Variants in NYAP2 observed in about 807,000 individuals in gnomAD.
NYAP2 encodes neuronal tyrosine-phosphorylated phosphoinositide-3-kinase adaptor 2, also known as neuronal tyrosine-phosphorylated phosphoinositide-3-kinase adapter 2.
A neutral mutation model predicts 50.4 loss-of-function variants in NYAP2; 23 were observed. That is an observed-to-expected ratio of 0.46 (90% CI 0.33 to 0.65). The LOEUF is 0.65. NYAP2 is among the 30% of genes least tolerant of loss of function. The pLI is 0.02. For missense variants in NYAP2, 885 were observed against 861.0 expected, an observed-to-expected ratio of 1.03 and a Z score of -0.35; for synonymous variants, 394 against 365.2, an observed-to-expected ratio of 1.08 and a Z score of -0.90.
intron 5 of NYAP2, among the ~76,000 whole-genome samples, chr2:225,609,114 C>A (rs1478642584): frequency 6.6e-6 from 1 of 152,096 alleles, no homozygotes; most frequent in Non-Finnish European, 1.5e-5. Context: ...GATATGTCAT[C>A]TCTCCTACTA....
At chr2:225,514,576 G>A (rs1184639068) in intron 4 of NYAP2, among the ~76,000 whole-genome samples, 1 of 152,114 alleles carries the variant, frequency 6.6e-6, no homozygotes, top group Admixed American at 6.5e-5. Context: ...CCTCTTCGTA[G>A]GAGGATGCTA....
At chr2:225,447,585 C>T (rs942812851) in intron 3 of NYAP2, among the ~76,000 whole-genome samples, 1 of 152,024 alleles carries the variant, frequency 6.6e-6, no homozygotes, top group Admixed American at 6.6e-5. Flanking sequence ...TGAGTACATT[C>T]TAAACTTGAA....
intron 3 of NYAP2, among the ~76,000 whole-genome samples, chr2:225,449,752 G>A (rs1353806109): frequency 5.9e-5 from 9 of 151,694 alleles, no homozygotes; most frequent in African/African-American, 2.2e-4. Flanking sequence ...GGGATTATAG[G>A]TGCCTGCCAC....
At position 225,443,216 on chromosome 2, in the gene NYAP2, T is replaced by C. The variant is rs1037463175; in HGVS notation, c.221+34115T>C. Among the ~76,000 whole-genome samples the C allele has an allele frequency of 2.6e-5, 4 of 152,254 alleles. No homozygotes were observed. The South Asian group carries it at 8.3e-4, about 32-fold the overall frequency. ...ACTATTTAATATTTAATGCCAATTA[T>C]AATTTGACTCTGGGCAAATTATTAC... On this transcript the variant is annotated intron_variant, in intron 3 of 6. Transcript: ENST00000636099.
At chr2:225,665,527 T>C in the NYAP2 span, among the ~76,000 whole-genome samples, 4 of 151,154 alleles carry the variant, frequency 2.6e-5, no homozygotes, top group South Asian at 8.4e-4. Flanking sequence ...CGTGAAGATT[T>C]GCTAAATCTG....
At chr2:225,427,651 T>C (rs539667282) in intron 3 of NYAP2, among the ~76,000 whole-genome samples, 1 of 152,234 alleles carries the variant, frequency 6.6e-6, no homozygotes, top group Non-Finnish European at 1.5e-5. Flanking sequence ...CAGGCACTAT[T>C]GCTTGCTATC....
intron 3 of NYAP2, among the ~76,000 whole-genome samples, chr2:225,500,048 T>G (rs1236679612): frequency 6.6e-6 from 1 of 152,198 alleles, no homozygotes; most frequent in East Asian, 1.9e-4. Flanking sequence ...TAAAAATTGT[T>G]AAGAGATATT....
intron 3 of NYAP2, among the ~76,000 whole-genome samples, chr2:225,426,862 GC>G (rs1241560649): frequency 6.6e-6 from 1 of 152,110 alleles, no homozygotes; most frequent in African/African-American, 2.4e-5. Context: ...ATAAAGAGTG[GC>G]CCTGAGCCGG....
chr2:225,479,929 T>G (rs1690178025), intron 3 of NYAP2, among the ~76,000 whole-genome samples: 1 of 152,082 alleles, frequency 6.6e-6, no homozygotes, highest in Non-Finnish European at 1.5e-5. Flanking sequence ...TCTCTTCAAT[T>G]TTCAAACAAT....
At chr2:225,424,356 A>G (rs1047942773) in intron 3 of NYAP2, among the ~76,000 whole-genome samples, 2 of 152,144 alleles carry the variant, frequency 1.3e-5, no homozygotes, top group Non-Finnish European at 2.9e-5. Context: ...TCTAATTATC[A>G]TCTCTGAGCA....
At chr2:225,404,043 T>A (rs1036850841) in intron 2 of NYAP2, among the ~76,000 whole-genome samples, 1 of 152,030 alleles carries the variant, frequency 6.6e-6, no homozygotes, top group South Asian at 2.1e-4. Flanking sequence ...TATCTTGGAA[T>A]TAATCGAAAG....
chr2:225,511,937 A>G (rs1180366691), intron 3 of NYAP2, among the ~76,000 whole-genome samples: 1 of 152,218 alleles, frequency 6.6e-6, no homozygotes. Flanking sequence ...TCATATACTC[A>G]GAGGTACTTC....
the NYAP2 span, among the ~76,000 whole-genome samples, chr2:225,665,637 C>T: frequency 3.0e-4 from 45 of 150,202 alleles, no homozygotes; most frequent in South Asian, 1.5e-3. Flanking sequence ...GGTGAAACCC[C>T]GTCTCTACTA....
At chr2:225,535,313 A>G (rs1691330412) in intron 4 of NYAP2, among the ~76,000 whole-genome samples, 1 of 152,178 alleles carries the variant, frequency 6.6e-6, no homozygotes, top group Non-Finnish European at 1.5e-5. Context: ...TTCCTTTGTC[A>G]CAAGCAGGGA....
At chr2:225,512,852 TCTTCCTTC>T (rs762260450) in intron 3 of NYAP2, among the ~76,000 whole-genome samples, 1,510 of 123,526 alleles carry the variant, frequency 0.012, 18 homozygotes, top group African/African-American at 0.02. Flanking sequence ...TTTCTTTCTT[TCTTCCTTC>T]CTTCCTTCCT....
chr2:225,692,870 TACACAC>T, the NYAP2 span, among the ~76,000 whole-genome samples: 13 of 132,720 alleles, frequency 9.8e-5, no homozygotes, highest in Admixed American at 1.5e-4. Context: ...TCTTTAAACA[TACACAC>T]ACACACACAC....
At chr2:225,466,681 A>T (rs1689924206) in intron 3 of NYAP2, among the ~76,000 whole-genome samples, 1 of 152,232 alleles carries the variant, frequency 6.6e-6, no homozygotes, top group South Asian at 2.1e-4. Flanking sequence ...GCATCCAAAA[A>T]GTCAAAACAT....
At chr2:225,472,343 G>C (rs1406259376) in intron 3 of NYAP2, among the ~76,000 whole-genome samples, 1 of 152,206 alleles carries the variant, frequency 6.6e-6, no homozygotes, top group Non-Finnish European at 1.5e-5. Flanking sequence ...TAAGAAGCAG[G>C]AATTTGAAGG....
intron 4 of NYAP2, among the ~76,000 whole-genome samples, chr2:225,556,478 T>C (rs952037750): frequency 6.6e-6 from 1 of 152,194 alleles, no homozygotes; most frequent in Non-Finnish European, 1.5e-5. Context: ...CCCCAGGTGA[T>C]AATTTAGGCA....
Sources: allele counts gnomAD v4.1 joint callset (sites outside exome capture counted in the v4.1 genomes callset), GRCh38; gene constraint gnomAD v4.1.1; transcripts MANE v1.5; gene names NCBI Gene and HGNC (gene_info 2026-07-23, HGNC 2026-07-21).